CDKL1: variants seen among roughly 807,000 people sequenced by gnomAD.
CDKL1 encodes the protein cyclin-dependent kinase-like 1.
CDKL1 carries 41 observed loss-of-function variants against 42.0 expected under a neutral mutation model. That is an observed-to-expected ratio of 0.98 (90% CI 0.76 to 1.27). CDKL1 has a LOEUF of 1.27. Ranked by LOEUF, CDKL1 falls within the 50% of genes most tolerant of loss-of-function variation. The pLI is 0.00. For synonymous variants in CDKL1, 153 were observed against 158.6 expected (o/e 0.96, Z 0.26); for missense variants, 394 against 428.4 (o/e 0.92, Z 0.71).
chr14:50,389,956 T>A (rs1331509794), intron 2 of CDKL1, among the ~76,000 whole-genome samples: 1 of 152,162 alleles, frequency 6.6e-6, no homozygotes, highest in Non-Finnish European at 1.5e-5. Flanking sequence ...CCTTGGCAAA[T>A]CATTAACCAT....
At chr14:50,335,093 G>C (rs2033182150) in intron 7 of CDKL1, among the ~76,000 whole-genome samples, 1 of 148,644 alleles carries the variant, frequency 6.7e-6, no homozygotes, top group African/African-American at 2.5e-5. Flanking sequence ...TTTGAGACCA[G>C]CCTGGGCAAC....
rs1334830330 is a variant in CDKL1, at chr14:50,378,103, T to C, written c.168+17598A>G. ...GAAAGAGCCTGAGAATCTGAAATTC[T>C]CAAATTTCCCTGAACCTTCAGGGCT... On this transcript the variant is annotated intron_variant, in intron 2 of 9. Coordinates refer to ENST00000395834, the MANE Select transcript of CDKL1 (RefSeq NM_004196.7). The C allele has an allele frequency of 1.0e-5, 13 of 1,284,728 alleles. No homozygotes were observed. In the East Asian group the frequency reaches 6.1e-4, roughly 60 times the overall value. The allele number at this position is 1,284,728 out of a possible 1,614,324, so 79.6% of individuals were successfully genotyped here.
chr14:50,393,598 C>T (rs765626301), intron 2 of CDKL1, among the ~76,000 whole-genome samples: 12 of 152,138 alleles, frequency 7.9e-5, no homozygotes, highest in Non-Finnish European at 2.9e-5. Context: ...CTTGCCTTGG[C>T]CTCTTTCCTT....
In CDKL1 at chr14:50,380,802, C is replaced by CTTTGTTTTT. The variant is rs368170212; in HGVS notation, c.168+14898_168+14899insAAAAACAAA. On this transcript the variant is annotated intron_variant, in intron 2 of 9. Coordinates refer to ENST00000395834, the MANE Select transcript of CDKL1 (RefSeq NM_004196.7). Reference sequence around the variant, plus strand: ...ATGGCCTGGGGCATGCTGTGACTTCCTTTTTTTTTTGGGACAGAGCCTTGT... The same window carrying CTTTGTTTTT: ...ATGGCCTGGGGCATGCTGTGACTTCCTTTGTTTTTTTTTTTTTTTGGGACAGAGCCTTGT... 6.6e-4 allele frequency among the ~76,000 whole-genome samples: 89 copies of CTTTGTTTTT among 134,638 alleles called. 2 individuals are homozygous for CTTTGTTTTT. In the Admixed American group the frequency reaches 6.7e-3, roughly 10 times the overall value. 88.3% of individuals were successfully genotyped at this position (134,638 alleles called of 152,430 possible). A position where few individuals can be genotyped will look rare whatever the true frequency, so the allele number is the denominator to read the frequency against.
At chr14:50,383,247 C>G (rs948518545) in intron 2 of CDKL1, among the ~76,000 whole-genome samples, 1 of 150,964 alleles carries the variant, frequency 6.6e-6, no homozygotes, top group Non-Finnish European at 1.5e-5. Context: ...CTTATAATAA[C>G]GATATGTAAT....
intron 8 of CDKL1, chr14:50,334,191 C>T (rs1346122463): frequency 6.1e-6 from 1 of 164,860 alleles, no homozygotes; most frequent in Admixed American, 6.4e-5. Flanking sequence ...GAGTCTTACT[C>T]TGTCACCCAA....
intron 2 of CDKL1, among the ~76,000 whole-genome samples, chr14:50,370,959 A>G (rs1238053270): frequency 6.6e-6 from 1 of 152,206 alleles, no homozygotes; most frequent in African/African-American, 2.4e-5. Flanking sequence ...AACTATATCA[A>G]TGAATTCACT....
intron 2 of CDKL1, among the ~76,000 whole-genome samples, chr14:50,394,071 G>T (rs1434871747): frequency 1.3e-5 from 2 of 152,202 alleles, no homozygotes; most frequent in Admixed American, 6.5e-5. Context: ...ATGTAGTATT[G>T]ATAAAGTGTA....
chr14:50,367,029 T>C (rs1423873321), intron 2 of CDKL1, among the ~76,000 whole-genome samples: 1 of 151,966 alleles, frequency 6.6e-6, no homozygotes, highest in Non-Finnish European at 1.5e-5. Context: ...AGAGAGGAGA[T>C]TGCCCCGAAG....
chr14:50,358,842 G>C (rs897620446), intron 3 of CDKL1, among the ~76,000 whole-genome samples, 186 bp downstream of exon 3: 1 of 151,846 alleles, frequency 6.6e-6, no homozygotes, highest in Admixed American at 6.6e-5. Flanking sequence ...GTTTCACTAT[G>C]TTGGCCAGGC....
chr14:50,343,155 CT>C (rs3049935), intron 4 of CDKL1: 9,568 of 291,006 alleles, frequency 0.033, no homozygotes, highest in South Asian at 0.067. Context: ...TTAAGAGTTA[CT>C]TTTTTTTTTT....
chr14:50,395,712 G>C lies in CDKL1; in HGVS notation c.157C>G (p.Arg53Gly), dbSNP rs1283866474. 4.2e-5 allele frequency: 68 copies of C among 1,608,356 alleles called. No homozygotes were observed. The highest frequency in any genetic ancestry group is 5.4e-5 in the Non-Finnish European group (63 of 1,175,720). ...AGTGAATCAATTACCTTGAGCATTC[G>C]GATTTCCCGAAGGGCAATTTTCTTT... is the stretch of plus-strand genomic sequence containing the variant. ...VIKKIALREI[R>G]MLKQLKHPNL... The change falls in exon 2 of 10, where the codon CGA (arginine) becomes GGA (glycine). Residue 53 changes from arginine to glycine, a missense_variant. Physicochemically the swap from Arg to Gly is moderately radical, Grantham distance 125. Coordinates refer to ENST00000395834, the MANE Select transcript of CDKL1 (RefSeq NM_004196.7).
In CDKL1 at chr14:50,332,347, T is replaced by C. The variant is rs760653637; in HGVS notation, c.881A>G (p.Glu294Gly). 1.2e-6 allele frequency: 2 copies of C among 1,614,232 alleles called. No individual in the cohort carries two copies. The highest frequency in any genetic ancestry group is 1.7e-6 in the Non-Finnish European group (2 of 1,180,032). The stretch of plus-strand genomic sequence containing the variant: ...TTTGTTGTGTTCTTTTGCCAAATCC[T>C]CTATTTCTCTGATGTTTTCAAAATA... ...HPYFENIREI[E>G]DLAKEHNKPT... Residue 294 changes from glutamate (E) to glycine (G), a missense_variant, in exon 9 of 10, where the codon GAG becomes GGG. By Grantham distance (98) the Glu-to-Gly change is moderately conservative. Transcript: ENST00000395834.
At chr14:50,388,062 A>G (rs562725264) in intron 2 of CDKL1, among the ~76,000 whole-genome samples, 25 of 152,146 alleles carry the variant, frequency 1.6e-4, no homozygotes, top group African/African-American at 5.8e-4. Context: ...ACACCTGGCT[A>G]ATTTTTTGTA....
At chr14:50,357,189 G>A (rs2034080657) in intron 3 of CDKL1, 1 of 152,314 alleles carries the variant, frequency 6.6e-6, no homozygotes, top group Admixed American at 6.5e-5. Context: ...CTTTCTGAAG[G>A]GAGGTGTCTG....
chr14:50,341,973 T>G (rs891000757), intron 5 of CDKL1, among the ~76,000 whole-genome samples, 159 bp downstream of exon 5: 27 of 152,222 alleles, frequency 1.8e-4, no homozygotes, highest in African/African-American at 5.5e-4. Context: ...CATTGTATTA[T>G]CTACACATTT....
At chr14:50,334,359 C>T (rs1040981699) in intron 8 of CDKL1, 6 of 467,736 alleles carry the variant, frequency 1.3e-5, no homozygotes, top group African/African-American at 1.0e-4. Flanking sequence ...ACCATGTTGA[C>T]CAGGCTGGTT....
chr14:50,363,664 C>T (rs1039965822), intron 2 of CDKL1, among the ~76,000 whole-genome samples: 2 of 152,170 alleles, frequency 1.3e-5, no homozygotes, highest in African/African-American at 4.8e-5. Flanking sequence ...CTCATGTCTC[C>T]AGCTGGCTCT....
chr14:50,363,307 A>G (rs940387232), intron 2 of CDKL1: 11 of 171,852 alleles, frequency 6.4e-5, no homozygotes, highest in Non-Finnish European at 1.3e-5. Context: ...AACTGAGGGC[A>G]CTCCAAGCTA....
Sources: allele counts gnomAD v4.1 joint callset (sites outside exome capture counted in the v4.1 genomes callset), GRCh38; gene constraint gnomAD v4.1.1; transcripts MANE v1.5; gene names NCBI Gene and HGNC (gene_info 2026-07-23, HGNC 2026-07-21).